The following CADM2 variants were observed in gnomAD, a reference collection of about 807,000 sequenced individuals.
The protein encoded by CADM2 is immunoglobulin superfamily member 4D.
CADM2 carries 12 observed loss-of-function variants against 49.8 expected under a neutral mutation model. The ratio of observed to expected loss-of-function variants is 0.24; its 90% CI spans 0.15 to 0.39. The LOEUF (loss-of-function observed/expected upper bound fraction) is 0.39, where lower values mean the gene tolerates loss of function less well. Among genes scored for constraint, CADM2 ranks in the 10% least tolerant of loss-of-function variants. The pLI is 1.00. For synonymous variants in CADM2, 214 were observed against 175.4 expected (o/e 1.22, Z -1.74); for missense variants, 378 against 492.3 (o/e 0.77, Z 2.20).
chr3:85,056,657 C>T (rs1402840874), intron 1 of CADM2, among the ~76,000 whole-genome samples: 1 of 152,056 alleles, frequency 6.6e-6, no homozygotes, highest in African/African-American at 2.4e-5. Context: ...CTCCACAGGA[C>T]TGTTGTGAAA....
intron 8 of CADM2, among the ~76,000 whole-genome samples, chr3:86,031,788 A>C (rs1367634489): frequency 6.6e-6 from 1 of 151,786 alleles, no homozygotes; most frequent in Admixed American, 6.6e-5. Flanking sequence ...ATAGTCAACA[A>C]AGCGAGAGTT....
At chr3:85,791,107 A>G (rs2071296366) in intron 2 of CADM2, among the ~76,000 whole-genome samples, 1 of 152,218 alleles carries the variant, frequency 6.6e-6, no homozygotes, top group African/African-American at 2.4e-5. Context: ...AATTCTAAGT[A>G]TTTGAAAGAA....
chr3:86,013,970 A>T, intron 8 of CADM2: 1 of 1,516,270 alleles, frequency 6.6e-7, no homozygotes, highest in East Asian at 2.3e-5. Flanking sequence ...TTATGGGAGT[A>T]TCTGTTGCAT....
chr3:85,280,872 T>G (rs2043483073), intron 1 of CADM2, among the ~76,000 whole-genome samples: 1 of 151,796 alleles, frequency 6.6e-6, no homozygotes, highest in Non-Finnish European at 1.5e-5. Flanking sequence ...AAAGATATAC[T>G]TTAAGGAAAG....
intron 1 of CADM2, among the ~76,000 whole-genome samples, chr3:85,092,953 T>C (rs2037653911): frequency 6.6e-6 from 1 of 152,206 alleles, no homozygotes; most frequent in East Asian, 1.9e-4. Context: ...TATTGTCCTG[T>C]TTTACGTGAA....
At chr3:86,032,625 G>A (rs34544989) in intron 8 of CADM2, among the ~76,000 whole-genome samples, 34,642 of 151,600 alleles carry the variant, frequency 0.23, 4,315 homozygotes, top group East Asian at 0.33. Context: ...CATACTTAAT[G>A]CAGGTTTATT....
intron 8 of CADM2, chr3:86,013,999 T>C: frequency 7.0e-7 from 1 of 1,434,088 alleles, no homozygotes; most frequent in Admixed American, 2.2e-5. Flanking sequence ...ATTGAAGAAG[T>C]TTGTTCTTTT....
intron 1 of CADM2, among the ~76,000 whole-genome samples, chr3:85,390,496 A>T (rs1279199461): frequency 1.3e-5 from 2 of 152,030 alleles, no homozygotes; most frequent in Middle Eastern, 3.2e-3. Context: ...CACTCTTGCT[A>T]TGTAACTCTC....
At chr3:85,590,470 T>G (rs1331985947) in intron 1 of CADM2, among the ~76,000 whole-genome samples, 1 of 151,914 alleles carries the variant, frequency 6.6e-6, no homozygotes, top group Non-Finnish European at 1.5e-5. Context: ...AAAATACACA[T>G]GTGGCATGTT....
intron 1 of CADM2, among the ~76,000 whole-genome samples, chr3:85,512,309 C>G (rs1206520486): frequency 1.3e-5 from 2 of 152,068 alleles, no homozygotes; most frequent in African/African-American, 4.8e-5. Context: ...AGGAGAATGG[C>G]CTCCAGCTGA....
chr3:85,956,862 G>A (rs1724126997), intron 7 of CADM2, among the ~76,000 whole-genome samples: 1 of 151,468 alleles, frequency 6.6e-6, no homozygotes, highest in Non-Finnish European at 1.5e-5. Flanking sequence ...ATTTTGGGGG[G>A]TAATTTTGAG....
intron 8 of CADM2, among the ~76,000 whole-genome samples, chr3:86,053,998 G>C (rs894066458): frequency 6.6e-6 from 1 of 151,970 alleles, no homozygotes; most frequent in Non-Finnish European, 1.5e-5. Context: ...AACTAAGGTA[G>C]AGGGAGGTTA....
chr3:85,022,775 A>G (rs571222156), intron 1 of CADM2, among the ~76,000 whole-genome samples: 2 of 152,192 alleles, frequency 1.3e-5, no homozygotes, highest in African/African-American at 4.8e-5. Flanking sequence ...TATAATAGAG[A>G]CTCAAAAATC....
intron 1 of CADM2, among the ~76,000 whole-genome samples, chr3:85,153,505 C>A (rs1359527730): frequency 7.9e-5 from 12 of 152,190 alleles, no homozygotes; most frequent in Non-Finnish European, 1.8e-4. Flanking sequence ...GGCAGCAAGG[C>A]TGGGGGAGGG....
At chr3:85,881,528 C>G (rs887792726) in intron 3 of CADM2, among the ~76,000 whole-genome samples, 1 of 152,058 alleles carries the variant, frequency 6.6e-6, no homozygotes, top group African/African-American at 2.4e-5. Flanking sequence ...GAAGCAGTTG[C>G]CCTGTTAAGG....
At chr3:85,766,524 G>C (rs1422310262) in intron 2 of CADM2, among the ~76,000 whole-genome samples, 1 of 152,204 alleles carries the variant, frequency 6.6e-6, no homozygotes, top group Non-Finnish European at 1.5e-5. Context: ...TGGACACTAA[G>C]TTTTCAAGTG....
At chr3:85,170,483 C>T (rs141697181) in intron 1 of CADM2, among the ~76,000 whole-genome samples, 2,756 of 151,894 alleles carry the variant, frequency 0.018, 51 homozygotes, top group South Asian at 0.05. Flanking sequence ...GGATTACAGG[C>T]GCCCGCCACC....
chr3:85,180,534 AAAAG>A (rs2040907819), intron 1 of CADM2, among the ~76,000 whole-genome samples: 1 of 150,542 alleles, frequency 6.6e-6, no homozygotes, highest in Non-Finnish European at 1.5e-5. Flanking sequence ...AAAAAAAAAA[AAAAG>A]AGAAGGAGAA....
intron 1 of CADM2, among the ~76,000 whole-genome samples, chr3:85,423,565 C>G (rs1052889260): frequency 2.0e-5 from 3 of 152,152 alleles, no homozygotes; most frequent in African/African-American, 4.8e-5. Context: ...AAGACTCAAC[C>G]TACCCTAAAG....
Sources: gnomAD v4.1 joint callset for allele counts (sites outside exome capture counted in the v4.1 genomes callset) on GRCh38, gnomAD v4.1.1 for gene constraint, MANE v1.5 for transcripts, NCBI Gene and HGNC (gene_info 2026-07-23, HGNC 2026-07-21) for gene names.